Variants in AIG1 observed in about 807,000 individuals in gnomAD.
AIG1 encodes the protein androgen induced 1.
A neutral mutation model predicts 31.4 loss-of-function variants in AIG1; 23 were observed. The ratio of observed to expected loss-of-function variants is 0.73; its 90% confidence interval spans 0.53 to 1.04. The LOEUF (loss-of-function observed/expected upper bound fraction) is 1.04, where lower values mean the gene tolerates loss of function less well. Among genes scored for constraint, AIG1 ranks in the 50% least tolerant of loss-of-function variants. The probability of loss-of-function intolerance (pLI) is 0.00; values close to 1 mark genes in which losing one functional copy is unlikely to be tolerated. For synonymous variants in AIG1, 100 were observed against 110.5 expected, an observed-to-expected ratio of 0.90 and a Z score of 0.60; for missense variants, 274 against 295.0, an observed-to-expected ratio of 0.93 and a Z score of 0.52.
At chr6:143,200,159 A>G (rs973621454) in intron 3 of AIG1, among the ~76,000 whole-genome samples, 1 of 152,198 alleles carries the variant, frequency 6.6e-6, no homozygotes, top group Non-Finnish European at 1.5e-5. Context: ...TGAGATGTTC[A>G]TCTCAAAATA....
intron 3 of AIG1, among the ~76,000 whole-genome samples, chr6:143,227,195 A>G (rs1793047598): frequency 1.3e-5 from 2 of 152,148 alleles, no homozygotes; most frequent in African/African-American, 2.4e-5. Context: ...TGGAAGTCAG[A>G]AGGTTGTCCC....
rs1050014527 is a variant in AIG1, at chr6:143,284,565, G to C, written c.515+340G>C. Among the ~76,000 whole-genome samples the C allele has an allele frequency of 6.6e-6, 1 of 152,096 alleles. No homozygotes were observed. The highest frequency in any genetic ancestry group is 1.5e-5 in the Non-Finnish European group (1 of 68,026). ...GATTTTGTTGTTGTTGCTTTTGTTG[G>C]GGGGCAGGGGAGTTGCAGCAAACAC... is the stretch of plus-strand genomic sequence containing the variant. On this transcript the variant is annotated intron_variant, in intron 4 of 5. Coordinates refer to ENST00000357847, the MANE Select transcript of AIG1 (RefSeq NM_016108.4). The surrounding 1 kb of genome is among the most constrained non-coding windows in gnomAD (Gnocchi z 4.4).
chr6:143,169,857 A>G (rs1343024561), intron 3 of AIG1, among the ~76,000 whole-genome samples: 2 of 152,112 alleles, frequency 1.3e-5, no homozygotes, highest in Non-Finnish European at 2.9e-5. Flanking sequence ...GTCTATTGAG[A>G]TAATCATTTG....
intron 3 of AIG1, among the ~76,000 whole-genome samples, chr6:143,262,677 A>G (rs149407107): frequency 1.3e-5 from 2 of 152,238 alleles, no homozygotes; most frequent in East Asian, 3.9e-4. Context: ...TCAAAACAGA[A>G]CTAAAAATTG....
rs1433442151 is a variant in AIG1 at position 143,250,223 on chromosome 6, CCT to C, written c.400-33886_400-33885del. 1.2e-4 allele frequency among the ~76,000 whole-genome samples: 19 copies of C among 152,302 alleles called. No individual in the cohort carries two copies. In the East Asian group the frequency reaches 3.5e-3, roughly 28 times the overall value. On this transcript the variant is annotated intron_variant, in intron 3 of 5. Transcript: ENST00000357847. ...GTCTTCTTTCCTTCTCAAGGCTGGC[CCT>C]GGAATAGGAAGCAGCTCTTTATGTT...
chr6:143,169,011 T>C lies in AIG1; in HGVS notation c.399+3828T>C, dbSNP rs141389209. The stretch of plus-strand genomic sequence containing the variant: ...GAAAAATATAGTTTTAGAATATTTA[T>C]ATTCATATATTAAATATTTTAATAT... On this transcript the variant is annotated intron_variant, in intron 3 of 5. Coordinates refer to ENST00000357847, the MANE Select transcript of AIG1 (RefSeq NM_016108.4). 9.3e-3 allele frequency among the ~76,000 whole-genome samples: 1,404 copies of C among 151,546 alleles called. 10 individuals are homozygous for C. Among genetic ancestry groups the C allele is most frequent in the Non-Finnish European group, 0.015 (993 of 67,804 alleles).
chr6:143,261,817 A>C (rs1487090873), intron 3 of AIG1, among the ~76,000 whole-genome samples: 2 of 152,248 alleles, frequency 1.3e-5, no homozygotes, highest in East Asian at 3.8e-4. Flanking sequence ...TACTCTAAAC[A>C]AACAACTCTA....
rs534858363 is a variant in AIG1, at chr6:143,330,715, G to A, written c.516-2567G>A. Among the ~76,000 whole-genome samples the A allele has an allele frequency of 6.6e-6, 1 of 152,268 alleles. No homozygotes were observed. The highest frequency in any genetic ancestry group is 2.4e-5 in the African/African-American group (1 of 41,542). On this transcript the variant is annotated intron_variant, in intron 4 of 5. Transcript: ENST00000357847. This position sits in a 1 kb window ranked among gnomAD's most constrained non-coding sequence, Gnocchi z 4.4. Reference sequence around the variant, plus strand: ...GTGCAAACACCCTGTAGCACAGACTGATTAAAATTTTATAAGTTGATTTGC... The same window carrying A: ...GTGCAAACACCCTGTAGCACAGACTAATTAAAATTTTATAAGTTGATTTGC...
At chr6:143,223,249 C>T (rs1792672616) in intron 3 of AIG1, among the ~76,000 whole-genome samples, 1 of 152,184 alleles carries the variant, frequency 6.6e-6, no homozygotes, top group Non-Finnish European at 1.5e-5. Flanking sequence ...TCTCACAATC[C>T]ATCCCAGACC....
chr6:143,212,029 T>C (rs766177016), intron 3 of AIG1, among the ~76,000 whole-genome samples: 2 of 152,200 alleles, frequency 1.3e-5, no homozygotes, highest in Non-Finnish European at 2.9e-5. Context: ...GACCGGATAA[T>C]TCTTGTTGGG....
rs527268934 is a variant in AIG1, at chr6:143,155,259, A to G, written c.298-9823A>G. On this transcript the variant is annotated intron_variant, in intron 2 of 5. Coordinates refer to ENST00000357847, the MANE Select transcript of AIG1 (RefSeq NM_016108.4). Reference sequence around the variant, plus strand: ...TTACATTCTACTGGGAAGAGAAACCAGTAATTACACAGTCAGTTATTTCAT... The same window carrying G: ...TTACATTCTACTGGGAAGAGAAACCGGTAATTACACAGTCAGTTATTTCAT... Among the ~76,000 whole-genome samples, 4 of 152,326 alleles carry G rather than the reference A, an allele frequency of 2.6e-5. No individual in the cohort carries two copies. In the South Asian group the frequency reaches 8.3e-4, roughly 32 times the overall value.
chr6:143,089,768 T>C (rs1779134355), intron 1 of AIG1, among the ~76,000 whole-genome samples: 1 of 152,068 alleles, frequency 6.6e-6, no homozygotes, highest in Non-Finnish European at 1.5e-5. Context: ...AGCAACCAGC[T>C]CTTGTGGGAA....
At chr6:143,158,256 C>T (rs1415029696) in intron 2 of AIG1, among the ~76,000 whole-genome samples, 1 of 152,148 alleles carries the variant, frequency 6.6e-6, no homozygotes, top group Non-Finnish European at 1.5e-5. Context: ...CCACGTTTAG[C>T]ATCATCACCT....
intron 3 of AIG1, among the ~76,000 whole-genome samples, chr6:143,278,897 T>C (rs1205362036): frequency 6.6e-6 from 1 of 152,218 alleles, no homozygotes; most frequent in Middle Eastern, 3.2e-3. Flanking sequence ...GTGATTATCT[T>C]CTATTTATGA....
chr6:143,148,724 G>A (rs915309184), intron 2 of AIG1, among the ~76,000 whole-genome samples: 1 of 152,068 alleles, frequency 6.6e-6, no homozygotes, highest in South Asian at 2.1e-4. Context: ...ATGGGAGACT[G>A]CAGTAAGACT....
intron 3 of AIG1, among the ~76,000 whole-genome samples, chr6:143,208,763 C>T (rs1235127207): frequency 6.6e-6 from 1 of 152,058 alleles, no homozygotes; most frequent in Non-Finnish European, 1.5e-5. Flanking sequence ...TAGATATTTT[C>T]CCCCCAGCTA....
intron 1 of AIG1, among the ~76,000 whole-genome samples, chr6:143,102,272 G>A (rs1780356765): frequency 6.6e-6 from 1 of 151,204 alleles, no homozygotes; most frequent in Admixed American, 6.6e-5. Flanking sequence ...CATCTAATTA[G>A]TTCCATGTTT....
chr6:143,229,784 C>CAAAAA lies in AIG1; in HGVS notation c.400-54310_400-54306dup, dbSNP rs751464049. Among the ~76,000 whole-genome samples, 41 of 80,656 alleles carry CAAAAA rather than the reference C, an allele frequency of 5.1e-4. 2 individuals are homozygous for CAAAAA. The highest frequency in any genetic ancestry group is 8.9e-4 in the East Asian group (3 of 3,364). 52.9% of individuals were successfully genotyped at this position (80,656 alleles called of 152,430 possible). On this transcript the variant is annotated intron_variant, in intron 3 of 5. Transcript: ENST00000357847. The stretch of plus-strand genomic sequence containing the variant: ...GCCTCTCGTTTCTGGACTCTCAGAA[C>CAAAAA]AAAAAAAAAAAAAAAAAAAAGGATC...
At chr6:143,091,171 C>A (rs1044435141) in intron 1 of AIG1, among the ~76,000 whole-genome samples, 3 of 152,176 alleles carry the variant, frequency 2.0e-5, no homozygotes, top group African/African-American at 7.2e-5. Context: ...AATTCCATTT[C>A]TCTTGTAATT....
Sources: allele counts gnomAD v4.1 joint callset (sites outside exome capture counted in the v4.1 genomes callset), GRCh38; gene constraint gnomAD v4.1.1; non-coding constraint Gnocchi (gnomAD v3.1); transcripts MANE v1.5; gene names NCBI Gene and HGNC (gene_info 2026-07-23, HGNC 2026-07-21).